Variants in OSBPL2 observed in about 807,000 individuals in gnomAD.
The protein encoded by OSBPL2 is oxysterol-binding protein-related protein 2.
A neutral mutation model predicts 58.4 loss-of-function variants in OSBPL2; 18 were observed. That is an observed-to-expected ratio of 0.31 (90% CI 0.21 to 0.46). OSBPL2 has a LOEUF of 0.46. OSBPL2 is among the 20% of genes least tolerant of loss of function. The pLI, the probability that OSBPL2 is intolerant of heterozygous loss-of-function variation, is 1.00. For missense variants in OSBPL2, 461 were observed against 616.5 expected, an observed-to-expected ratio of 0.75 and a Z score of 2.67; for synonymous variants, 221 against 234.1, an observed-to-expected ratio of 0.94 and a Z score of 0.51.
chr20:62,294,005 G>C lies in OSBPL2; in HGVS notation c.*118G>C. 1 of 1,320,836 alleles carries C rather than the reference G, an allele frequency of 7.6e-7. No homozygotes were observed. The highest frequency in any genetic ancestry group is 1.0e-6 in the Non-Finnish European group (1 of 981,662). 81.8% of individuals were successfully genotyped at this position (1,320,836 alleles called of 1,614,324 possible). A position where few individuals can be genotyped will look rare whatever the true frequency, so the allele number is the denominator to read the frequency against. ...CTTTTCTAACGACTGAGTTCGCGGA[G>C]ATAGCATCATCCCTGATCAAGGATG... is the stretch of plus-strand genomic sequence containing the variant. On this transcript the variant is annotated 3_prime_UTR_variant, in exon 14 of 14. Coordinates refer to ENST00000313733, the MANE Select transcript of OSBPL2 (RefSeq NM_144498.4).
intron 2 of OSBPL2, 76 bp from the exon 3 acceptor site, chr20:62,259,905 G>A: frequency 7.3e-7 from 1 of 1,373,886 alleles, no homozygotes; most frequent in East Asian, 2.3e-5. Context: ...TGCTTGCATA[G>A]TCAGAATTCT....
intron 4 of OSBPL2, chr20:62,264,687 C>G (rs1337150285): frequency 6.6e-6 from 1 of 152,170 alleles, no homozygotes; most frequent in Admixed American, 6.5e-5. Flanking sequence ...ACCCAGCTCC[C>G]CTGATGCCGG....
chr20:62,286,360 G>A (rs1432841688), intron 10 of OSBPL2: 3 of 435,004 alleles, frequency 6.9e-6, no homozygotes, highest in African/African-American at 2.0e-5. Flanking sequence ...TGAGGCAGGA[G>A]AATCTCTTGA....
intron 1 of OSBPL2, among the ~76,000 whole-genome samples, chr20:62,240,159 T>C (rs897756328): frequency 6.6e-6 from 1 of 152,130 alleles, no homozygotes; most frequent in African/African-American, 2.4e-5. Flanking sequence ...TGCCATGAAA[T>C]CATTTTCTAC....
At chr20:62,287,036 TGG>T (rs1983179509) in intron 11 of OSBPL2, among the ~76,000 whole-genome samples, 1 of 152,248 alleles carries the variant, frequency 6.6e-6, no homozygotes, top group Non-Finnish European at 1.5e-5. Context: ...GTGCTTCCCC[TGG>T]GAACATCAGA....
intron 12 of OSBPL2, among the ~76,000 whole-genome samples, chr20:62,290,759 A>G (rs13044225): frequency 0.45 from 60,910 of 134,438 alleles, 13,082 homozygotes; most frequent in Middle Eastern, 0.54. Context: ...TTTTTTTGAG[A>G]CAGAGTTTCA....
intron 1 of OSBPL2, among the ~76,000 whole-genome samples, chr20:62,250,884 C>T (rs946368933): frequency 6.6e-6 from 1 of 151,936 alleles, no homozygotes; most frequent in African/African-American, 2.4e-5. Flanking sequence ...GCGATTGTGC[C>T]GCTGATGTCA....
intron 6 of OSBPL2, among the ~76,000 whole-genome samples, chr20:62,275,322 C>T (rs1316099023): frequency 6.6e-6 from 1 of 151,978 alleles, no homozygotes; most frequent in Non-Finnish European, 1.5e-5. Context: ...ACATTAAAAA[C>T]TTTTTCTAAA....
At chr20:62,282,809 C>T (rs149569161) in intron 9 of OSBPL2, among the ~76,000 whole-genome samples, 206 of 152,308 alleles carry the variant, frequency 1.4e-3, no homozygotes, top group African/African-American at 4.7e-3. Flanking sequence ...CCGGGGCAGC[C>T]AAGCAAGAGG....
intron 4 of OSBPL2, among the ~76,000 whole-genome samples, chr20:62,267,563 C>A (rs904953085): frequency 3.3e-5 from 5 of 152,172 alleles, no homozygotes; most frequent in Admixed American, 2.0e-4. Context: ...AGTCTTATTT[C>A]GAGGTCTGTT....
intron 2 of OSBPL2, among the ~76,000 whole-genome samples, chr20:62,257,914 C>T (rs1252414908): frequency 1.3e-5 from 2 of 152,124 alleles, no homozygotes; most frequent in African/African-American, 4.8e-5. Flanking sequence ...GGGGTTTCAC[C>T]GTGTTGGCCA....
At chr20:62,243,142 G>A (rs763410541) in intron 1 of OSBPL2, among the ~76,000 whole-genome samples, 7 of 152,204 alleles carry the variant, frequency 4.6e-5, no homozygotes, top group African/African-American at 9.7e-5. Flanking sequence ...CGATAATGAC[G>A]GCAGGTGTCA....
intron 1 of OSBPL2, among the ~76,000 whole-genome samples, chr20:62,240,993 C>G (rs1258328475): frequency 1.3e-5 from 2 of 152,140 alleles, no homozygotes; most frequent in Non-Finnish European, 2.9e-5. Context: ...CACACACTGC[C>G]TTAGAGTACA....
At chr20:62,280,152 C>T in intron 7 of OSBPL2, 1 of 1,272,626 alleles carries the variant, frequency 7.9e-7, no homozygotes, top group Non-Finnish European at 1.0e-6. Context: ...TGCCTGCAGT[C>T]TTGTTGTAGG....
intron 10 of OSBPL2, 87 bp from the exon 11 acceptor site, chr20:62,286,496 G>C (rs898937392): frequency 2.3e-5 from 34 of 1,461,520 alleles, no homozygotes; most frequent in Non-Finnish European, 3.1e-5. Context: ...CAGGTGACTG[G>C]TCTGAAAGGC....
chr20:62,283,995 A>C (rs1371188108), intron 9 of OSBPL2, 51 bp from the exon 10 acceptor site: 1 of 1,567,052 alleles, frequency 6.4e-7, no homozygotes, highest in African/African-American at 1.4e-5. Flanking sequence ...TGTTTAGACA[A>C]ATGGTTTGTA....
At chr20:62,273,084 C>T (rs1171489116) in intron 5 of OSBPL2, among the ~76,000 whole-genome samples, 7 of 152,218 alleles carry the variant, frequency 4.6e-5, no homozygotes, top group African/African-American at 1.7e-4. Context: ...GGGTGGAAGG[C>T]AGCACCCAGT....
At chr20:62,254,639 G>T (rs1028638194) in intron 1 of OSBPL2, among the ~76,000 whole-genome samples, 3 of 152,268 alleles carry the variant, frequency 2.0e-5, no homozygotes, top group Admixed American at 1.3e-4. Flanking sequence ...CGCTTGAGGG[G>T]TCACCCAGCA....
At chr20:62,264,097 C>T (rs1981512250) in intron 4 of OSBPL2, among the ~76,000 whole-genome samples, 1 of 151,166 alleles carries the variant, frequency 6.6e-6, no homozygotes, top group South Asian at 2.1e-4. Context: ...AAAATGCACT[C>T]TCATGTTTAT....
Sources: gnomAD v4.1 joint callset for allele counts (sites outside exome capture counted in the v4.1 genomes callset) on GRCh38, gnomAD v4.1.1 for gene constraint, MANE v1.5 for transcripts, NCBI Gene and HGNC (gene_info 2026-07-23, HGNC 2026-07-21) for gene names.